Variants in VPS8 observed in about 807,000 individuals in gnomAD.
The protein encoded by VPS8 is vacuolar protein sorting-associated protein 8 homolog.
In VPS8, 129 loss-of-function variants were observed where a neutral mutation model predicts 216.4. The ratio of observed to expected loss-of-function variants is 0.60; its 90% CI spans 0.52 to 0.69. The LOEUF is 0.69. Among genes scored for constraint, VPS8 ranks in the 30% least tolerant of loss-of-function variants. The pLI, the probability that VPS8 is intolerant of heterozygous loss-of-function variation, is 0.00. For synonymous variants in VPS8, 571 were observed against 565.4 expected (o/e 1.01, Z -0.14); for missense variants, 1,531 against 1,683.5 (o/e 0.91, Z 1.59).
At chr3:184,867,895 A>C in intron 17 of VPS8, 129 bp from the exon 18 acceptor site, 1 of 880,396 alleles carries the variant, frequency 1.1e-6, no homozygotes, top group Non-Finnish European at 1.7e-6. Context: ...TCTAAGATAT[A>C]CTTCTAACTG....
Position 184,948,054 on chromosome 3 carries a change from A to G in VPS8, c.3035+7811A>G, listed in dbSNP as rs533819276. ...TCTAGAATTTAATAACAGATGTGCTATAGTTTTCTTCTGAAACATAAGTTC... is the reference window on the plus strand; with the variant it reads ...TCTAGAATTTAATAACAGATGTGCTGTAGTTTTCTTCTGAAACATAAGTTC... On this transcript the variant is annotated intron_variant, in intron 36 of 47. Coordinates refer to ENST00000625842, the MANE Select transcript of VPS8 (RefSeq NM_001009921.3). 6.6e-5 allele frequency among the ~76,000 whole-genome samples: 10 copies of G among 152,304 alleles called. No individual in the cohort carries two copies. The South Asian group carries it at 1.0e-3, about 16-fold the overall frequency.
At chr3:184,859,401 G>T (rs1398348649) in intron 14 of VPS8, among the ~76,000 whole-genome samples, 1 of 152,074 alleles carries the variant, frequency 6.6e-6, no homozygotes, top group Admixed American at 6.5e-5. Flanking sequence ...GCTCTTTGGG[G>T]CTCTTTTCAA....
chr3:184,862,778 A>T (rs984535612), intron 15 of VPS8, 119 bp from the exon 16 acceptor site: 3 of 1,032,242 alleles, frequency 2.9e-6, no homozygotes, highest in South Asian at 1.6e-5. Context: ...TTGCCATGTA[A>T]ATTGTTAAAT....
intron 21 of VPS8, among the ~76,000 whole-genome samples, chr3:184,874,206 A>C (rs1380805257): frequency 6.6e-6 from 1 of 152,172 alleles, no homozygotes; most frequent in East Asian, 1.9e-4. Context: ...AAGGAATATA[A>C]AGATAGTATA....
intron 40 of VPS8, among the ~76,000 whole-genome samples, chr3:184,979,510 C>T (rs1749839855): frequency 6.6e-6 from 1 of 152,134 alleles, no homozygotes; most frequent in Admixed American, 6.5e-5. Context: ...TATTAGGATA[C>T]TTAAGTCTTC....
chr3:184,964,367 A>C, intron 37 of VPS8, 101 bp from the exon 38 acceptor site: 2 of 621,926 alleles, frequency 3.2e-6, no homozygotes, highest in Non-Finnish European at 5.0e-6. Context: ...ATAAGGTATA[A>C]ATTCATTATT....
intron 36 of VPS8, among the ~76,000 whole-genome samples, chr3:184,945,860 G>GCA (rs1743594620): frequency 6.6e-6 from 1 of 152,180 alleles, no homozygotes; most frequent in East Asian, 1.9e-4. Flanking sequence ...AATTAGGTGG[G>GCA]CAAGGAGCTA....
Position 184,887,758 on chromosome 3 carries a change from G to A in VPS8, c.1781+1602G>A, listed in dbSNP as rs116738116. Among the ~76,000 whole-genome samples the A allele has an allele frequency of 4.6e-3, 696 of 152,256 alleles. 7 individuals carry two copies. Among genetic ancestry groups the A allele is most frequent in the African/African-American group, 0.016 (653 of 41,550 alleles). On this transcript the variant is annotated intron_variant, in intron 22 of 47. Coordinates refer to ENST00000625842, the MANE Select transcript of VPS8 (RefSeq NM_001009921.3). ...AGCATGACTTGGTTCATGAATTTAT[G>A]TAAATTCTAGTAGCCTGATTCAGAA...
rs541049606 is a variant in VPS8, at chr3:185,012,282, CTATAATTTATATATTATATAATTATATT to C, written c.4003-12039_4003-12012del. Among the ~76,000 whole-genome samples the C allele has an allele frequency of 1.3e-3, 196 of 146,012 alleles. 1 individual carries two copies. The highest frequency in any genetic ancestry group is 1.9e-3 in the Non-Finnish European group (125 of 66,580). On this transcript the variant is annotated intron_variant, in intron 45 of 47. Transcript: ENST00000625842. ...TTATAGATATATAATGTACATATAT[CTATAATTTATATATTATATAATTATATT>C]TATAATTTATATATGGATATAATGT...
At chr3:185,032,744 C>T (rs1047091399) in intron 46 of VPS8, among the ~76,000 whole-genome samples, 3 of 152,108 alleles carry the variant, frequency 2.0e-5, no homozygotes, top group African/African-American at 4.8e-5. Flanking sequence ...CGGCTTACTG[C>T]AAGCTCCGCC....
chr3:184,827,162 T>C (rs190501833), intron 3 of VPS8, among the ~76,000 whole-genome samples: 2 of 152,310 alleles, frequency 1.3e-5, no homozygotes, highest in Non-Finnish European at 2.9e-5. Flanking sequence ...TCCGAGTGAG[T>C]TGGGCCTCTG....
chr3:184,901,588 T>C (rs1408565206), intron 25 of VPS8, among the ~76,000 whole-genome samples: 1 of 152,032 alleles, frequency 6.6e-6, no homozygotes, highest in African/African-American at 2.4e-5. Context: ...AGAGATCCTA[T>C]ATAGTCTTTA....
intron 47 of VPS8, among the ~76,000 whole-genome samples, chr3:185,050,123 A>AATTTTTTTTTTTTT (rs1553916150): frequency 7.2e-6 from 1 of 139,388 alleles, no homozygotes; most frequent in Non-Finnish European, 1.6e-5. Flanking sequence ...CTGGGAAATA[A>AATTTTTTTTTTTTT]TTTTTTTTTT....
intron 22 of VPS8, among the ~76,000 whole-genome samples, chr3:184,890,391 T>G (rs189625537): frequency 6.6e-6 from 1 of 152,304 alleles, no homozygotes; most frequent in African/African-American, 2.4e-5. Context: ...AGATTCCTTT[T>G]ATATTAATGT....
chr3:185,002,150 G>A (rs1753503978), intron 45 of VPS8, among the ~76,000 whole-genome samples: 1 of 152,198 alleles, frequency 6.6e-6, no homozygotes, highest in East Asian at 1.9e-4. Flanking sequence ...ACCAAGTTAA[G>A]TACTCATGTG....
At chr3:184,922,718 G>A (rs761182518) in intron 29 of VPS8, among the ~76,000 whole-genome samples, 2 of 152,044 alleles carry the variant, frequency 1.3e-5, no homozygotes, top group African/African-American at 4.8e-5. Context: ...TGAGGGATCC[G>A]GTGAGAGGAG....
rs963583848 is a variant in VPS8, at chr3:184,854,108, T to G, written c.976-6T>G. The stretch of plus-strand genomic sequence containing the variant: ...TCAATATTGAAAACATATTTTTCTC[T>G]TACAGATACTGGTCATTGGATTGAA... On this transcript the variant is annotated splice_region_variant and splice_polypyrimidine_tract_variant and intron_variant, in intron 12 of 47. Coordinates refer to ENST00000625842, the MANE Select transcript of VPS8 (RefSeq NM_001009921.3). 2.5e-6 allele frequency: 4 copies of G among 1,613,610 alleles called. No individual in the cohort carries two copies. The highest frequency in any genetic ancestry group is 2.5e-6 in the Non-Finnish European group (3 of 1,179,730).
intron 21 of VPS8, among the ~76,000 whole-genome samples, chr3:184,884,588 A>C (rs917583403): frequency 1.3e-5 from 2 of 152,190 alleles, no homozygotes; most frequent in Non-Finnish European, 2.9e-5. Context: ...AAGACAGACA[A>C]ACTTCCTTGT....
At chr3:184,924,797 G>GCA (rs1739270610) in intron 29 of VPS8, 65 bp from the exon 30 acceptor site, 2 of 1,163,954 alleles carry the variant, frequency 1.7e-6, no homozygotes, top group Non-Finnish European at 1.1e-6. Context: ...TCTTCTAATT[G>GCA]TATTTTTTTT....
Sources: gnomAD v4.1 joint callset for allele counts (sites outside exome capture counted in the v4.1 genomes callset) on GRCh38, gnomAD v4.1.1 for gene constraint, MANE v1.5 for transcripts, NCBI Gene and HGNC (gene_info 2026-07-23, HGNC 2026-07-21) for gene names.